LRP1B: variants seen among roughly 807,000 people sequenced by gnomAD.
The protein encoded by LRP1B is low-density lipoprotein receptor-related protein 1B.
Under a neutral mutation model 556.6 loss-of-function variants are expected in LRP1B, and 217 were observed. The observed-to-expected ratio is 0.39, with a 90% CI of 0.35 to 0.44. The LOEUF is 0.44. Ranked by LOEUF, LRP1B falls within the 20% of genes least tolerant of loss-of-function variation. LRP1B has a pLI of 1.00. For synonymous variants in LRP1B, 2,047 were observed against 1,865.8 expected (o/e 1.10, Z -2.50); for missense variants, 5,053 against 5,620.8 (o/e 0.90, Z 3.23).
At chr2:140,876,433 T>A (rs1433579643) in intron 25 of LRP1B, among the ~76,000 whole-genome samples, 1 of 152,172 alleles carries the variant, frequency 6.6e-6, no homozygotes, top group African/African-American at 2.4e-5. Flanking sequence ...TTGTTTTCAT[T>A]TGTAATAGGA....
chr2:141,000,088 A>T (rs10170812), intron 15 of LRP1B, among the ~76,000 whole-genome samples: 83,120 of 139,108 alleles, frequency 0.6, 23,285 homozygotes, highest in Non-Finnish European at 0.64. Context: ...CTCATTTTTT[A>T]TTTTCTTTTT....
At chr2:141,899,322 A>G (rs1244027032) in intron 1 of LRP1B, among the ~76,000 whole-genome samples, 1 of 152,128 alleles carries the variant, frequency 6.6e-6, no homozygotes, top group African/African-American at 2.4e-5. Flanking sequence ...AAAATTCAAA[A>G]GTGCCCTGTC....
At chr2:141,223,669 A>G (rs1447734047) in intron 6 of LRP1B, among the ~76,000 whole-genome samples, 1 of 152,178 alleles carries the variant, frequency 6.6e-6, no homozygotes, top group Non-Finnish European at 1.5e-5. Context: ...GGTACATGGT[A>G]CTGGTACAAA....
rs151254209 is a variant in LRP1B at position 140,545,594 on chromosome 2, A to T, written c.7195-3623T>A. On this transcript the variant is annotated intron_variant, in intron 43 of 90. Transcript: ENST00000389484. ...GCTTTGTTGAACACCAGACAGTTGTAGGTATGCAGCCTTATTTCTGGAATC... is the reference window on the plus strand; with the variant it reads ...GCTTTGTTGAACACCAGACAGTTGTTGGTATGCAGCCTTATTTCTGGAATC... Among the ~76,000 whole-genome samples the T allele has an allele frequency of 5.9e-5, 9 of 152,158 alleles. No individual in the cohort carries two copies. In the East Asian group the frequency reaches 1.7e-3, roughly 29 times the overall value.
At chr2:141,600,208 G>C (rs1687674952) in intron 2 of LRP1B, among the ~76,000 whole-genome samples, 1 of 152,024 alleles carries the variant, frequency 6.6e-6, no homozygotes, top group Non-Finnish European at 1.5e-5. Context: ...GGTTAGAGCG[G>C]TCTTACTTGT....
intron 51 of LRP1B, among the ~76,000 whole-genome samples, chr2:140,513,413 T>C (rs1019046878): frequency 8.5e-5 from 13 of 152,060 alleles, no homozygotes; most frequent in Non-Finnish European, 1.3e-4. Context: ...GCTCATCCTA[T>C]TGTAAATAGG....
intron 2 of LRP1B, among the ~76,000 whole-genome samples, chr2:141,541,026 A>G (rs1349810600): frequency 6.6e-6 from 1 of 152,040 alleles, no homozygotes; most frequent in Non-Finnish European, 1.5e-5. Flanking sequence ...TAGCACTTTC[A>G]TATTCCAAAA....
At chr2:141,291,893 T>TAAAAAAAAA (rs1685980901) in intron 3 of LRP1B, among the ~76,000 whole-genome samples, 2 of 126,092 alleles carry the variant, frequency 1.6e-5, no homozygotes, top group African/African-American at 2.9e-5. Context: ...AAAAAAAACT[T>TAAAAAAAAA]GTTTGGGGTT....
chr2:141,814,490 T>A (rs1696465393), intron 1 of LRP1B, among the ~76,000 whole-genome samples: 1 of 152,192 alleles, frequency 6.6e-6, no homozygotes, highest in Non-Finnish European at 1.5e-5. Context: ...TCAGCTAGAA[T>A]GTTATTGCAA....
At chr2:140,335,490 G>T (rs1681038171) in intron 78 of LRP1B, 125 bp downstream of exon 78, 2 of 659,004 alleles carry the variant, frequency 3.0e-6, no homozygotes, top group African/African-American at 3.6e-5. Flanking sequence ...ATAGTACAAG[G>T]ATATTTAAAA....
chr2:140,876,416 TA>T (rs1302994661), intron 25 of LRP1B, among the ~76,000 whole-genome samples: 2 of 152,168 alleles, frequency 1.3e-5, no homozygotes, highest in Admixed American at 1.3e-4. Flanking sequence ...ATAAGTGCAA[TA>T]AAAATTTGTT....
intron 1 of LRP1B, among the ~76,000 whole-genome samples, chr2:141,855,293 G>A (rs189953474): frequency 4.6e-5 from 7 of 152,214 alleles, no homozygotes; most frequent in African/African-American, 1.4e-4. Context: ...CTAAAGAAGG[G>A]TGAATCTTCT....
intron 7 of LRP1B, among the ~76,000 whole-genome samples, chr2:141,067,861 G>A (rs1489561556): frequency 6.6e-6 from 1 of 151,868 alleles, no homozygotes; most frequent in East Asian, 1.9e-4. Context: ...GCATGGGAGG[G>A]TGTGAGAGAA....
At chr2:140,329,085 A>C (rs1680654200) in intron 79 of LRP1B, among the ~76,000 whole-genome samples, 1 of 152,092 alleles carries the variant, frequency 6.6e-6, no homozygotes, top group Non-Finnish European at 1.5e-5. Flanking sequence ...AATCAAACTC[A>C]TGTAATACTA....
At position 141,536,024 on chromosome 2, in the gene LRP1B, C is replaced by T. The variant is rs149582306; in HGVS notation, c.206-55491G>A. On this transcript the variant is annotated intron_variant, in intron 2 of 90. Coordinates refer to ENST00000389484, the MANE Select transcript of LRP1B (RefSeq NM_018557.3). Reference sequence around the variant, plus strand: ...ACAACACATACAAAAATAGAATGCTCAATGTACATGCAAGATTGTTTAAAA... The same window carrying T: ...ACAACACATACAAAAATAGAATGCTTAATGTACATGCAAGATTGTTTAAAA... 6.6e-3 allele frequency among the ~76,000 whole-genome samples: 1,005 copies of T among 152,170 alleles called. 12 individuals carry two copies. The highest frequency in any genetic ancestry group is 0.023 in the African/African-American group (964 of 41,550).
At chr2:140,815,512 T>C (rs1691086278) in intron 31 of LRP1B, among the ~76,000 whole-genome samples, 1 of 151,884 alleles carries the variant, frequency 6.6e-6, no homozygotes, top group Admixed American at 6.6e-5. Flanking sequence ...GCAGATTCTA[T>C]AGGAACAAGG....
At chr2:141,975,120 T>A (rs1188245735) in intron 1 of LRP1B, among the ~76,000 whole-genome samples, 1 of 152,052 alleles carries the variant, frequency 6.6e-6, no homozygotes, top group Non-Finnish European at 1.5e-5. Flanking sequence ...ATTAGAGAAG[T>A]TTGACATACA....
At chr2:141,750,442 G>C (rs1371162231) in intron 2 of LRP1B, among the ~76,000 whole-genome samples, 2 of 151,920 alleles carry the variant, frequency 1.3e-5, no homozygotes, top group Non-Finnish European at 2.9e-5. Context: ...TCTTCCCTCT[G>C]AAACCAAAAG....
intron 3 of LRP1B, among the ~76,000 whole-genome samples, chr2:141,355,166 G>A (rs748895605): frequency 6.6e-6 from 1 of 151,652 alleles, no homozygotes; most frequent in Non-Finnish European, 1.5e-5. Flanking sequence ...GAATTGAACA[G>A]AAAAAAAATC....
Sources: gnomAD v4.1 joint callset for allele counts (sites outside exome capture counted in the v4.1 genomes callset) on GRCh38, gnomAD v4.1.1 for gene constraint, MANE v1.5 for transcripts, NCBI Gene and HGNC (gene_info 2026-07-23, HGNC 2026-07-21) for gene names.